Variants in C3 observed in about 807,000 individuals in gnomAD.
The protein encoded by C3 is complement C3, also known as C3 and PZP-like alpha-2-macroglobulin domain-containing protein 1.
Under a neutral mutation model 207.9 loss-of-function variants are expected in C3, and 97 were observed. The ratio of observed to expected loss-of-function variants is 0.47; its 90% CI spans 0.40 to 0.55. The LOEUF is 0.55. Ranked by LOEUF, C3 falls within the 20% of genes least tolerant of loss-of-function variation. The pLI, the probability that C3 is intolerant of heterozygous loss-of-function variation, is 0.00. For synonymous variants in C3, 848 were observed against 857.6 expected (o/e 0.99, Z 0.20); for missense variants, 1,684 against 2,171.7 (o/e 0.78, Z 4.46).
intron 37 of C3, 86 bp from the exon 38 acceptor site, chr19:6,679,294 A>G (rs1917797418): frequency 4.8e-6 from 7 of 1,461,588 alleles, no homozygotes; most frequent in Middle Eastern, 1.7e-4. Context: ...CTGGGAGCCT[A>G]CCCCCCTTGG....
chr19:6,695,286 C>A (rs375695840), intron 23 of C3, among the ~76,000 whole-genome samples: 3 of 147,874 alleles, frequency 2.0e-5, no homozygotes, highest in African/African-American at 7.7e-5. Context: ...AAAAAAAAAT[C>A]ATCACACCAA....
rs1319620186 is a variant in C3 at position 6,679,176 on chromosome 19, C to A, written c.4579G>T (p.Val1527Phe). Residue 1527 changes from valine to phenylalanine, a missense_variant, in exon 38 of 41, where the codon GTC becomes TTC. Physicochemically the swap from Val to Phe is conservative, Grantham distance 50. Around this residue, in one of 3 missense-constraint regions of C3, gnomAD observed 346 missense variants for 380.1 expected, o/e 0.91. Transcript: ENST00000245907. ...TTGTCCAGCCGTTCTTCCAGGGTGA[C>A]CTTGTCATCCGACTTTTGTATGAAG... ...NCFIQKSDDK[V>F]TLEERLDKAC... The A allele has an allele frequency of 6.2e-7, 1 of 1,614,192 alleles. No homozygotes were observed. The highest frequency in any genetic ancestry group is 1.1e-5 in the South Asian group (1 of 91,086).
intron 14 of C3, 69 bp downstream of exon 14, chr19:6,709,615 A>ACCCCCCACCCCCCCCCCC: frequency 2.5e-6 from 1 of 403,612 alleles, no homozygotes. Flanking sequence ...CTCCAGTCCC[A>ACCCCCCACCCCCCCCCCC]CCCACCTCCC....
intron 25 of C3, 122 bp from the exon 26 acceptor site, chr19:6,693,205 G>C (rs1918209809): frequency 7.9e-7 from 1 of 1,264,304 alleles, no homozygotes; most frequent in Non-Finnish European, 1.1e-6. Context: ...TGCCTTCCCA[G>C]GCCCCAGGAC....
In C3 at chr19:6,707,892, G is replaced by T. The variant is rs754987413; in HGVS notation, c.1883C>A (p.Thr628Asn). 3 of 1,613,932 alleles carry T rather than the reference G, an allele frequency of 1.9e-6. No individual in the cohort carries two copies. The South Asian group carries it at 3.3e-5, about 18-fold the overall frequency. The change falls in exon 15 of 41, where the codon ACC becomes AAC. Residue 628 changes from threonine (T) to asparagine (N), a missense_variant. Around this residue, in one of 3 missense-constraint regions of C3, gnomAD observed 1,280 missense variants for 1,739.1 expected, o/e 0.74. Coordinates refer to ENST00000245907, the MANE Select transcript of C3 (RefSeq NM_000064.4). ...GGCGTAATCCTTCCCACTGCCCGGGGTGCAGCCGATGTCTGCCTTCTCCAC... is the reference window on the plus strand; with the variant it reads ...GGCGTAATCCTTCCCACTGCCCGGGTTGCAGCCGATGTCTGCCTTCTCCAC... ...DVVEKADIGC[T>N]PGSGKDYAGV... is the part of the protein sequence containing the mutation.
At position 6,678,407 on chromosome 19, in the gene C3, T is replaced by G; in HGVS notation, c.4679A>C (p.Glu1560Ala). 6.2e-7 allele frequency: 1 copy of G among 1,614,198 alleles called. No individual in the cohort carries two copies. Among genetic ancestry groups the G allele is most frequent in the Non-Finnish European group, 8.5e-7 (1 of 1,180,028 alleles). ...VKVQLSNDFD[E>A]YIMAIEQTIK... ...GGTCTGCTCAATGGCCATGATGTAC[T>G]CGTCAAAGTCATTGGACAGCTGAAC... The change falls in exon 39 of 41, where the codon GAG becomes GCG. Residue 1560 changes from glutamate to alanine, a missense_variant. Physicochemically the swap from Glu to Ala is moderately radical, Grantham distance 107 (BLOSUM62 -1). This residue lies in a region of C3 where 346 missense variants were observed against 380.1 expected (regional missense o/e 0.91). Coordinates refer to ENST00000245907, the MANE Select transcript of C3 (RefSeq NM_000064.4).
chr19:6,720,644 G>C lies in C3; in HGVS notation c.-55C>G. The C allele has an allele frequency of 7.2e-7, 1 of 1,396,584 alleles. No homozygotes were observed. The allele number at this position is 1,396,584 out of a possible 1,614,324, so 86.5% of individuals were successfully genotyped here. The stretch of plus-strand genomic sequence containing the variant: ...CAGAGGGACAGAGGGAGAGGATGGG[G>C]AGGAGTGAGCAGCGCCTGCTGGAGC... On this transcript the variant is annotated 5_prime_UTR_variant, in exon 1 of 41. Transcript: ENST00000245907.
rs200967589 is a variant in C3, at chr19:6,711,193, G to C, written c.1273C>G (p.Arg425Gly). 1 of 1,611,836 alleles carries C rather than the reference G, an allele frequency of 6.2e-7. No individual in the cohort carries two copies. Residue 425 changes from arginine (R) to glycine (G), a missense_variant, in exon 12 of 41, where the codon CGC (arginine) becomes GGC (glycine). By Grantham distance (125) the Arg-to-Gly change is moderately radical. Around this residue, in one of 3 missense-constraint regions of C3, gnomAD observed 1,280 missense variants for 1,739.1 expected, o/e 0.74. Coordinates refer to ENST00000245907, the MANE Select transcript of C3 (RefSeq NM_000064.4). ...TCCGAGAGCTCCTGCTTCTTCGTGC[G>C]CACCTGGGTGGGGAAAGAGGGATGC... ...PSQKPLSITV[R>G]TKKQELSEAE...
Position 6,679,483 on chromosome 19 carries a change from G to A in C3, c.4470C>T (p.Thr1490=), listed in dbSNP as rs1476921236. Residue 1490 remains threonine, a synonymous_variant, in exon 37 of 41, where the codon ACC becomes ACT. Coordinates refer to ENST00000245907, the MANE Select transcript of C3 (RefSeq NM_000064.4). Reference sequence around the variant, plus strand: ...CCTCCTTTTCCGGATGGTAGAACCGGGTACAGCTTTCCTCTGCGGGCAGAT... The same window carrying A: ...CCTCCTTTTCCGGATGGTAGAACCGAGTACAGCTTTCCTCTGCGGGCAGAT... ...YAYYNLEESC[T]RFYHPEKEDG... 3.1e-6 allele frequency: 5 copies of A among 1,612,600 alleles called. No individual in the cohort carries two copies. The East Asian group carries it at 8.9e-5, about 29-fold the overall frequency.
At chr19:6,708,135 TCTC>T (rs1967823243) in intron 14 of C3, among the ~76,000 whole-genome samples, 1 of 14,998 alleles carries the variant, frequency 6.7e-5, no homozygotes, top group African/African-American at 4.1e-4. Flanking sequence ...TCTTTCTCAC[TCTC>T]TCTCTTTCTT....
chr19:6,700,521 ATG>A lies in C3; in HGVS notation c.2440+1604_2440+1605del, dbSNP rs1327782793. Among the ~76,000 whole-genome samples the A allele has an allele frequency of 2.3e-4, 8 of 34,356 alleles. 2 individuals are homozygous for A. Among genetic ancestry groups the A allele is most frequent in the Non-Finnish European group, 3.3e-4 (8 of 23,894 alleles). The allele number at this position is 34,356 out of a possible 152,430, so 22.5% of individuals were successfully genotyped here. On this transcript the variant is annotated intron_variant, in intron 19 of 40. Transcript: ENST00000245907. ...ATATTATATATGTAATATATAATATATGTAATATGATATATTATATATGTAAT... is the reference window on the plus strand; with the variant it reads ...ATATTATATATGTAATATATAATATATAATATGATATATTATATATGTAAT...
intron 9 of C3, among the ~76,000 whole-genome samples, 191 bp from the exon 10 acceptor site, chr19:6,712,814 A>G (rs945471750): frequency 4.0e-5 from 6 of 151,482 alleles, no homozygotes; most frequent in African/African-American, 1.5e-4. Flanking sequence ...TCAGACTGGC[A>G]CAGACTTCAT....
chr19:6,679,477 GA>G lies in C3; in HGVS notation c.4475del (p.Phe1492SerfsTer11). Reference protein sequence around the residue: ...YYNLEESCTRFYHPEKEDGKL... With the variant: ...YYNLEESCTRXYHPEKEDGKL... ...TTCCATCCTCCTTTTCCGGATGGTAGAACCGGGTACAGCTTTCCTCTGCGGG... is the reference window on the plus strand; with the variant it reads ...TTCCATCCTCCTTTTCCGGATGGTAGACCGGGTACAGCTTTCCTCTGCGGG... On this transcript the variant is annotated frameshift_variant, in exon 37 of 41. Transcript: ENST00000245907. LOFTEE classifies it high-confidence loss of function. 1 of 1,613,026 alleles carries G rather than the reference GA, an allele frequency of 6.2e-7. No homozygotes were observed. Among genetic ancestry groups the G allele is most frequent in the Non-Finnish European group, 8.5e-7 (1 of 1,178,958 alleles).
chr19:6,684,505 G>A, intron 32 of C3, 55 bp downstream of exon 32: 1 of 1,567,814 alleles, frequency 6.4e-7, no homozygotes, highest in Non-Finnish European at 8.8e-7. Flanking sequence ...GAGCGGGGAA[G>A]ACATTAGAAG....
intron 19 of C3, 117 bp from the exon 20 acceptor site, chr19:6,697,911 T>C: frequency 4.1e-6 from 4 of 975,018 alleles, no homozygotes; most frequent in Non-Finnish European, 6.2e-6. Flanking sequence ...AGCCTGTCTT[T>C]GCTGAAGCCT....
intron 17 of C3, among the ~76,000 whole-genome samples, chr19:6,703,395 G>A (rs981915562): frequency 6.6e-6 from 1 of 152,072 alleles, no homozygotes; most frequent in Admixed American, 6.6e-5. Context: ...ATCACTTGAG[G>A]TCAGGAGTTC....
In C3 at chr19:6,719,740, A is replaced by G. The variant is rs943090754; in HGVS notation, c.75-337T>C. Among the ~76,000 whole-genome samples, 4 of 151,996 alleles carry G rather than the reference A, an allele frequency of 2.6e-5. No homozygotes were observed. The highest frequency in any genetic ancestry group is 4.4e-5 in the Non-Finnish European group (3 of 67,970). On this transcript the variant is annotated intron_variant, in intron 1 of 40. Transcript: ENST00000245907. The surrounding 1 kb of genome is among the most constrained non-coding windows in gnomAD (Gnocchi z 5.4). ...CAAGTCTCTGGACTTCCAGACCCAC[A>G]ATCGCCTAAACCCACACATGCCCCA... is the stretch of plus-strand genomic sequence containing the variant.
intron 4 of C3, chr19:6,716,436 G>A: frequency 6.6e-6 from 1 of 151,446 alleles, no homozygotes. Flanking sequence ...GGGTCTGGCT[G>A]TGTTGCCCAG....
intron 17 of C3, among the ~76,000 whole-genome samples, chr19:6,706,823 C>G (rs572163310): frequency 1.4e-5 from 2 of 147,284 alleles, no homozygotes; most frequent in Admixed American, 1.3e-4. Context: ...CTCCTCCCCC[C>G]TCAAGGCCTC....
Sources: allele counts gnomAD v4.1 joint callset (sites outside exome capture counted in the v4.1 genomes callset), GRCh38; gene constraint gnomAD v4.1.1; regional missense constraint gnomAD v4.1.1; non-coding constraint Gnocchi (gnomAD v3.1); transcripts MANE v1.5; gene names NCBI Gene and HGNC (gene_info 2026-07-23, HGNC 2026-07-21).